Variants in ARHGAP10 observed in about 807,000 individuals in gnomAD.
ARHGAP10 encodes rho GTPase-activating protein 10.
Under a neutral mutation model 108.6 loss-of-function variants are expected in ARHGAP10, and 87 were observed. That is an observed-to-expected ratio of 0.80 (90% CI 0.67 to 0.96). ARHGAP10 has a LOEUF of 0.96. ARHGAP10 is among the 40% of genes least tolerant of loss of function. The pLI is 0.00. For missense variants in ARHGAP10, 939 were observed against 954.5 expected (o/e 0.98, Z 0.21); for synonymous variants, 347 against 341.1 (o/e 1.02, Z -0.19).
At chr4:147,971,087 C>T (rs911313755) in intron 18 of ARHGAP10, among the ~76,000 whole-genome samples, 3 of 119,424 alleles carry the variant, frequency 2.5e-5, no homozygotes, top group South Asian at 2.8e-4. Context: ...GAGCGAGACT[C>T]TGTCTCAAAA....
chr4:147,778,225 A>G (rs1393884319), intron 1 of ARHGAP10, among the ~76,000 whole-genome samples: 4 of 152,158 alleles, frequency 2.6e-5, no homozygotes, highest in African/African-American at 9.7e-5. Context: ...CTCACCTTTG[A>G]AAGAGTGGGT....
At chr4:148,050,391 T>TTTTA (rs1729080387) in intron 20 of ARHGAP10, among the ~76,000 whole-genome samples, 1 of 113,324 alleles carries the variant, frequency 8.8e-6, no homozygotes, top group African/African-American at 3.0e-5. Flanking sequence ...TTTTTTTTTT[T>TTTTA]AAGATGTAGT....
chr4:147,812,221 T>C (rs1271381399), intron 1 of ARHGAP10, among the ~76,000 whole-genome samples: 1 of 152,136 alleles, frequency 6.6e-6, no homozygotes, highest in Non-Finnish European at 1.5e-5. Flanking sequence ...AAAGGCTGCG[T>C]AGGAAGTGGG....
chr4:147,852,020 T>C (rs754825161), intron 4 of ARHGAP10, among the ~76,000 whole-genome samples: 9 of 152,186 alleles, frequency 5.9e-5, no homozygotes, highest in Non-Finnish European at 1.2e-4. Flanking sequence ...ACGACACTTG[T>C]CTCAGGAGGT....
At chr4:147,888,106 C>T (rs1274097339) in intron 10 of ARHGAP10, among the ~76,000 whole-genome samples, 2 of 152,170 alleles carry the variant, frequency 1.3e-5, no homozygotes, top group African/African-American at 2.4e-5. Flanking sequence ...TCTCGCATCA[C>T]TGGCTTCTTC....
chr4:147,875,222 C>A, intron 8 of ARHGAP10, 72 bp downstream of exon 8: 1 of 1,434,670 alleles, frequency 7.0e-7, no homozygotes, highest in Non-Finnish European at 9.2e-7. Context: ...GCTATTCTTG[C>A]CATTACTGTG....
chr4:147,979,517 CT>C (rs886687696), intron 18 of ARHGAP10, among the ~76,000 whole-genome samples: 9 of 150,390 alleles, frequency 6.0e-5, no homozygotes, highest in African/African-American at 9.8e-5. Context: ...ACTGTTGAGG[CT>C]TTTTTTTTCA....
At chr4:147,743,666 A>G (rs904261192) in intron 1 of ARHGAP10, among the ~76,000 whole-genome samples, 2 of 152,086 alleles carry the variant, frequency 1.3e-5, no homozygotes, top group African/African-American at 4.8e-5. Context: ...AATCCCAGCT[A>G]CTCTGGAGGC....
intron 19 of ARHGAP10, among the ~76,000 whole-genome samples, chr4:148,041,287 A>G (rs1728621820): frequency 6.6e-6 from 1 of 152,246 alleles, no homozygotes; most frequent in African/African-American, 2.4e-5. Flanking sequence ...ATTTTATACC[A>G]TGCCCAAAAA....
intron 19 of ARHGAP10, among the ~76,000 whole-genome samples, chr4:148,025,145 C>T (rs1741717320): frequency 6.6e-6 from 1 of 152,152 alleles, no homozygotes; most frequent in African/African-American, 2.4e-5. Flanking sequence ...TAGCATATCT[C>T]TTATGGGAAC....
At chr4:147,982,741 T>TG (rs1273960034) in intron 18 of ARHGAP10, among the ~76,000 whole-genome samples, 3 of 152,004 alleles carry the variant, frequency 2.0e-5, no homozygotes, top group Non-Finnish European at 2.9e-5. Flanking sequence ...CAAGCAAGAT[T>TG]GGGGAAATTT....
At chr4:147,945,005 A>G (rs1738315907) in intron 14 of ARHGAP10, among the ~76,000 whole-genome samples, 1 of 152,236 alleles carries the variant, frequency 6.6e-6, no homozygotes, top group Admixed American at 6.5e-5. Flanking sequence ...GAGCATTTAC[A>G]TTATCTCCAT....
intron 18 of ARHGAP10, among the ~76,000 whole-genome samples, chr4:147,982,988 C>T (rs1368449389): frequency 2.0e-5 from 3 of 151,712 alleles, no homozygotes; most frequent in African/African-American, 7.3e-5. Flanking sequence ...TCAGGTGATT[C>T]TTCCGCCTCA....
chr4:147,986,054 A>G (rs1259899022), intron 18 of ARHGAP10, among the ~76,000 whole-genome samples: 1 of 152,136 alleles, frequency 6.6e-6, no homozygotes, highest in East Asian at 1.9e-4. Flanking sequence ...ATCTTTATGC[A>G]CTATTTTGCT....
At chr4:148,050,541 T>G (rs1009121553) in intron 20 of ARHGAP10, among the ~76,000 whole-genome samples, 1 of 151,836 alleles carries the variant, frequency 6.6e-6, no homozygotes, top group Non-Finnish European at 1.5e-5. Context: ...GCCTGGCTAA[T>G]TTTTTGTGTT....
At chr4:147,919,210 A>G (rs943126117) in intron 13 of ARHGAP10, among the ~76,000 whole-genome samples, 1 of 152,238 alleles carries the variant, frequency 6.6e-6, no homozygotes, top group Non-Finnish European at 1.5e-5. Flanking sequence ...TGTATAACAT[A>G]TCTTAAATAA....
chr4:147,933,147 C>CT (rs1467853648), intron 13 of ARHGAP10, among the ~76,000 whole-genome samples: 1 of 152,174 alleles, frequency 6.6e-6, no homozygotes, highest in African/African-American at 2.4e-5. Flanking sequence ...GTCTTCATCA[C>CT]TTTAGGGTTG....
intron 10 of ARHGAP10, among the ~76,000 whole-genome samples, chr4:147,882,697 T>C (rs558396232): frequency 6.6e-6 from 1 of 152,284 alleles, no homozygotes; most frequent in East Asian, 1.9e-4. Flanking sequence ...GGTGAATTCT[T>C]TTTTTTCCTT....
At chr4:147,948,465 T>C (rs564973870) in intron 15 of ARHGAP10, among the ~76,000 whole-genome samples, 2 of 152,270 alleles carry the variant, frequency 1.3e-5, no homozygotes, top group East Asian at 3.9e-4. Context: ...ACTTGGTTGA[T>C]AGGTTTTAAG....
Sources: gnomAD v4.1 joint callset for allele counts (sites outside exome capture counted in the v4.1 genomes callset) on GRCh38, gnomAD v4.1.1 for gene constraint, MANE v1.5 for transcripts, NCBI Gene and HGNC (gene_info 2026-07-23, HGNC 2026-07-21) for gene names.